The following PABPC4L variants were observed in gnomAD, a reference collection of about 807,000 sequenced individuals.
PABPC4L encodes polyadenylate-binding protein 4-like.
For synonymous variants in PABPC4L, 169 were observed against 164.1 expected (o/e 1.03, Z -0.23); for missense variants, 452 against 451.4 (o/e 1.00, Z -0.01).
the PABPC4L span, among the ~76,000 whole-genome samples, chr4:134,169,342 A>G: frequency 5.4e-5 from 8 of 148,970 alleles, no homozygotes; most frequent in Admixed American, 5.3e-4. Context: ...CACGAATATT[A>G]TCATACTGAA....
the PABPC4L span, among the ~76,000 whole-genome samples, chr4:134,061,876 A>G: frequency 2.0e-4 from 31 of 151,820 alleles, no homozygotes; most frequent in Admixed American, 2.0e-4. Context: ...AAAGAAGGAA[A>G]AAGGTGTCAA....
the PABPC4L span, among the ~76,000 whole-genome samples, chr4:133,995,829 C>T: frequency 6.6e-6 from 1 of 152,120 alleles, no homozygotes; most frequent in African/African-American, 2.4e-5. Context: ...ATTGGCTGGG[C>T]TGTAAGGTTG....
the PABPC4L span, among the ~76,000 whole-genome samples, chr4:134,013,845 T>C: frequency 6.6e-6 from 1 of 151,718 alleles, no homozygotes; most frequent in Non-Finnish European, 1.5e-5. Context: ...CTGAGATAGG[T>C]CTCAATTCTT....
the PABPC4L span, among the ~76,000 whole-genome samples, chr4:133,995,504 C>T: frequency 1.6e-4 from 24 of 152,248 alleles, no homozygotes; most frequent in East Asian, 3.1e-3. Context: ...AAGATATCAG[C>T]GGCCTGGGTA....
At chr4:134,016,587 C>A in the PABPC4L span, among the ~76,000 whole-genome samples, 1 of 152,134 alleles carries the variant, frequency 6.6e-6, no homozygotes, top group East Asian at 1.9e-4. Context: ...ACATCCTACT[C>A]CCCCGCTGAA....
chr4:134,164,124 G>A, the PABPC4L span, among the ~76,000 whole-genome samples: 190 of 150,136 alleles, frequency 1.3e-3, no homozygotes, highest in African/African-American at 4.2e-3. Flanking sequence ...TTAGCCGGGC[G>A]TAGTGGCGGG....
chr4:133,984,257 G>A, the PABPC4L span, among the ~76,000 whole-genome samples: 2 of 151,806 alleles, frequency 1.3e-5, no homozygotes, highest in Non-Finnish European at 3.0e-5. Flanking sequence ...GGGGTAAGTA[G>A]GTAAGAGGCA....
chr4:134,132,858 G>GAT, the PABPC4L span, among the ~76,000 whole-genome samples: 2 of 144,988 alleles, frequency 1.4e-5, no homozygotes, highest in Admixed American at 7.0e-5. Context: ...ATATATATGA[G>GAT]ATATATATAT....
chr4:134,142,568 AT>A, the PABPC4L span, among the ~76,000 whole-genome samples: 12 of 151,504 alleles, frequency 7.9e-5, no homozygotes, highest in African/African-American at 9.7e-5. Context: ...CCTCATATAA[AT>A]TTTTTTTAAT....
chr4:133,994,322 C>A, the PABPC4L span, among the ~76,000 whole-genome samples: 2 of 152,016 alleles, frequency 1.3e-5, no homozygotes, highest in Non-Finnish European at 2.9e-5. Flanking sequence ...CTTGAGAGAG[C>A]CACATTAAGG....
chr4:134,038,512 C>T, the PABPC4L span, among the ~76,000 whole-genome samples: 2 of 152,040 alleles, frequency 1.3e-5, no homozygotes, highest in African/African-American at 4.8e-5. Context: ...TGTTATTGGT[C>T]TATTTGGGGA....
chr4:134,028,906 T>A, the PABPC4L span, among the ~76,000 whole-genome samples: 1 of 152,128 alleles, frequency 6.6e-6, no homozygotes, highest in African/African-American at 2.4e-5. Context: ...TTCAAGCATA[T>A]CATACTTTTT....
chr4:134,074,152 A>G, the PABPC4L span, among the ~76,000 whole-genome samples: 1 of 152,224 alleles, frequency 6.6e-6, no homozygotes, highest in East Asian at 1.9e-4. Flanking sequence ...TTGAACTTTT[A>G]TGCTCTGCTT....
chr4:134,100,215 C>T, the PABPC4L span, among the ~76,000 whole-genome samples: 12 of 151,718 alleles, frequency 7.9e-5, no homozygotes, highest in South Asian at 1.5e-3. Context: ...TTAAGAGCAT[C>T]GAACAACTTT....
At chr4:134,020,578 C>T in the PABPC4L span, among the ~76,000 whole-genome samples, 1 of 151,902 alleles carries the variant, frequency 6.6e-6, no homozygotes, top group African/African-American at 2.4e-5. Context: ...TTTTCCTGGC[C>T]CTCACTCAAG....
At chr4:134,069,623 T>C in the PABPC4L span, among the ~76,000 whole-genome samples, 2 of 152,232 alleles carry the variant, frequency 1.3e-5, no homozygotes, top group East Asian at 1.9e-4. Flanking sequence ...TTAATACTTG[T>C]GATAGTATTC....
At chr4:134,014,420 G>A in the PABPC4L span, among the ~76,000 whole-genome samples, 7 of 152,262 alleles carry the variant, frequency 4.6e-5, no homozygotes, top group East Asian at 1.2e-3. Flanking sequence ...TGTTCCTCCA[G>A]AACTGCCTCC....
the PABPC4L span, among the ~76,000 whole-genome samples, chr4:134,136,422 T>C: frequency 0.46 from 70,397 of 151,936 alleles, 19,115 homozygotes; most frequent in East Asian, 0.98. Flanking sequence ...TTTAAAGAGA[T>C]TTGAAAGAAC....
the PABPC4L span, among the ~76,000 whole-genome samples, chr4:134,060,099 A>G: frequency 8.5e-5 from 13 of 152,084 alleles, no homozygotes; most frequent in African/African-American, 3.1e-4. Context: ...AATGGAAAGC[A>G]AAACATCACT....
Sources: gnomAD v4.1 joint callset for allele counts (sites outside exome capture counted in the v4.1 genomes callset) on GRCh38, gnomAD v4.1.1 for gene constraint, MANE v1.5 for transcripts, NCBI Gene and HGNC (gene_info 2026-07-23, HGNC 2026-07-21) for gene names.